PLPP4: variants seen among roughly 807,000 people sequenced by gnomAD.
The protein encoded by PLPP4 is diacylglycerol pyrophosphate like 2.
A neutral mutation model predicts 32.2 loss-of-function variants in PLPP4; 20 were observed. The ratio of observed to expected loss-of-function variants is 0.62; its 90% CI spans 0.44 to 0.90. The LOEUF is 0.90. Among genes scored for constraint, PLPP4 ranks in the 40% least tolerant of loss-of-function variants. The pLI, the probability that PLPP4 is intolerant of heterozygous loss-of-function variation, is 0.00. For synonymous variants in PLPP4, 127 were observed against 133.0 expected, an observed-to-expected ratio of 0.95 and a Z score of 0.31; for missense variants, 257 against 353.1, an observed-to-expected ratio of 0.73 and a Z score of 2.18.
intron 1 of PLPP4, among the ~76,000 whole-genome samples, chr10:120,480,622 G>T (rs1844156455): frequency 6.6e-6 from 1 of 152,234 alleles, no homozygotes; most frequent in Non-Finnish European, 1.5e-5. Context: ...CCAATGACGG[G>T]AGAGGACTGG....
chr10:120,552,165 GGTGTGTGTGT>G (rs58426120), intron 5 of PLPP4, among the ~76,000 whole-genome samples: 23 of 138,628 alleles, frequency 1.7e-4, no homozygotes, highest in South Asian at 5.0e-4. Context: ...GTGGTGGTGG[GGTGTGTGTGT>G]GTGTGTGTGT....
intron 1 of PLPP4, among the ~76,000 whole-genome samples, chr10:120,483,256 C>A (rs1016344251): frequency 6.6e-6 from 1 of 152,142 alleles, no homozygotes; most frequent in African/African-American, 2.4e-5. Flanking sequence ...TTTTGAGACT[C>A]CTGCTGATCC....
chr10:120,555,567 C>T (rs939635906), intron 5 of PLPP4, among the ~76,000 whole-genome samples: 2 of 152,206 alleles, frequency 1.3e-5, no homozygotes, highest in East Asian at 1.9e-4. Context: ...TGCTGCTCAG[C>T]CTGTTTTGCT....
chr10:120,559,369 C>T (rs989542128), intron 5 of PLPP4, among the ~76,000 whole-genome samples: 28 of 150,810 alleles, frequency 1.9e-4, no homozygotes, highest in East Asian at 5.8e-4. Context: ...ATTTTTCTTT[C>T]GTGGATTTAT....
chr10:120,460,316 T>C (rs1847984601), intron 1 of PLPP4, among the ~76,000 whole-genome samples: 1 of 152,212 alleles, frequency 6.6e-6, no homozygotes, highest in East Asian at 1.9e-4. Flanking sequence ...TCTTCTGTCC[T>C]GCTGCTACCC....
At chr10:120,575,939 A>G (rs998833303) in intron 6 of PLPP4, among the ~76,000 whole-genome samples, 7 of 152,196 alleles carry the variant, frequency 4.6e-5, no homozygotes, top group African/African-American at 1.7e-4. Flanking sequence ...CTGAAAGACA[A>G]CCACCACCTG....
intron 5 of PLPP4, among the ~76,000 whole-genome samples, chr10:120,534,816 T>C (rs138139352): frequency 5.8e-4 from 89 of 152,264 alleles, no homozygotes; most frequent in African/African-American, 2.0e-3. Flanking sequence ...GTGTCTTTAT[T>C]GATATTCTTA....
chr10:120,514,076 T>A (rs1845838603), intron 3 of PLPP4, 75 bp downstream of exon 3: 1 of 1,111,498 alleles, frequency 9.0e-7, no homozygotes, highest in African/African-American at 1.5e-5. Context: ...GAAATCTCAG[T>A]TACACCCAAC....
At chr10:120,460,480 A>G (rs1246966836) in intron 1 of PLPP4, among the ~76,000 whole-genome samples, 2 of 152,182 alleles carry the variant, frequency 1.3e-5, no homozygotes, top group African/African-American at 2.4e-5. Flanking sequence ...CACTTTGACC[A>G]CTATCACCAG....
intron 1 of PLPP4, among the ~76,000 whole-genome samples, chr10:120,466,703 AC>A (rs1848334484): frequency 6.6e-6 from 1 of 152,074 alleles, no homozygotes; most frequent in Non-Finnish European, 1.5e-5. Context: ...AAGAAGTGAC[AC>A]CCTGACTTTG....
chr10:120,575,904 A>C (rs1849201873), intron 6 of PLPP4, among the ~76,000 whole-genome samples: 1 of 152,192 alleles, frequency 6.6e-6, no homozygotes, highest in East Asian at 1.9e-4. Context: ...GTCCTTCTGC[A>C]GACAAACTGC....
At chr10:120,459,950 C>G (rs1175608106) in intron 1 of PLPP4, among the ~76,000 whole-genome samples, 3 of 152,102 alleles carry the variant, frequency 2.0e-5, no homozygotes, top group Admixed American at 6.5e-5. Flanking sequence ...TCTTAAAGAT[C>G]CCTTTTTCTG....
rs188498418 is a variant in PLPP4 at position 120,579,873 on chromosome 10, C to T, written c.616+4572C>T. Among the ~76,000 whole-genome samples, 371 of 150,722 alleles carry T rather than the reference C, an allele frequency of 2.5e-3. 7 individuals are homozygous for T. The highest frequency in any genetic ancestry group is 8.5e-3 in the African/African-American group (348 of 40,956). Reference sequence around the variant, plus strand: ...CTGTAATCCCAGCACTTTGGGAGGCCGAGGCGGGCAGATCACGAGGTCAGG... The same window carrying T: ...CTGTAATCCCAGCACTTTGGGAGGCTGAGGCGGGCAGATCACGAGGTCAGG... On this transcript the variant is annotated intron_variant, in intron 6 of 6. Transcript: ENST00000398250.
At chr10:120,520,882 TG>T (rs1009323041) in intron 4 of PLPP4, 88 bp from the exon 5 acceptor site, 2 of 1,485,732 alleles carry the variant, frequency 1.3e-6, no homozygotes, top group Non-Finnish European at 9.2e-7. Context: ...AGGAAAGAGC[TG>T]GGGGCAGTGG....
intron 5 of PLPP4, among the ~76,000 whole-genome samples, chr10:120,552,148 GT>G (rs1847930005): frequency 6.8e-6 from 1 of 146,018 alleles, no homozygotes; most frequent in South Asian, 2.3e-4. Context: ...TGGTGATTGT[GT>G]TGTTAGTGGT....
At chr10:120,492,707 T>A (rs1474905547) in intron 1 of PLPP4, among the ~76,000 whole-genome samples, 1 of 152,388 alleles carries the variant, frequency 6.6e-6, no homozygotes, top group African/African-American at 2.4e-5. Flanking sequence ...CCAGCCCTTG[T>A]ACTTTCAGAG....
chr10:120,539,959 G>A (rs1847256378), intron 5 of PLPP4, among the ~76,000 whole-genome samples: 1 of 149,598 alleles, frequency 6.7e-6, no homozygotes, highest in African/African-American at 2.5e-5. Context: ...GCCACCAGCT[G>A]AGCCTCCCTC....
chr10:120,502,643 AAACAGCACATGCTCAT>A (rs1253809373), intron 1 of PLPP4, among the ~76,000 whole-genome samples: 2 of 152,142 alleles, frequency 1.3e-5, no homozygotes, highest in South Asian at 4.2e-4. Flanking sequence ...CTGAAGCTGC[AAACAGCACATGCTCAT>A]ACAACGTCCC....
intron 2 of PLPP4, among the ~76,000 whole-genome samples, chr10:120,511,231 C>G (rs1845714471): frequency 6.6e-6 from 1 of 152,192 alleles, no homozygotes; most frequent in Non-Finnish European, 1.5e-5. Flanking sequence ...ACTGGGCCAT[C>G]AGGCCATGAG....
Sources: allele counts gnomAD v4.1 joint callset (sites outside exome capture counted in the v4.1 genomes callset), GRCh38; gene constraint gnomAD v4.1.1; transcripts MANE v1.5; gene names NCBI Gene and HGNC (gene_info 2026-07-23, HGNC 2026-07-21).